The following NHSL2 variants were observed in gnomAD, a reference collection of about 807,000 sequenced individuals.
NHSL2 encodes the protein NHS like 2.
A neutral mutation model predicts 53.4 loss-of-function variants in NHSL2; 27 were observed. That is an observed-to-expected ratio of 0.51 (90% CI 0.37 to 0.70). NHSL2 has a LOEUF of 0.70. Among genes scored for constraint, NHSL2 ranks in the 30% least tolerant of loss-of-function variants. The pLI, the probability that NHSL2 is intolerant of heterozygous loss-of-function variation, is 0.00. For missense variants in NHSL2, 892 were observed against 980.1 expected, an observed-to-expected ratio of 0.91 and a Z score of 1.20; for synonymous variants, 408 against 404.1, an observed-to-expected ratio of 1.01 and a Z score of -0.12.
At chrX:71,963,417 T>C (rs1189129451) in intron 1 of NHSL2, among the ~76,000 whole-genome samples, 1 of 111,411 alleles carries the variant, frequency 9.0e-6, no homozygotes. Flanking sequence ...ATGGCAAATG[T>C]AAACTCAATT....
At chrX:71,956,764 A>G (rs1448975473) in intron 1 of NHSL2, among the ~76,000 whole-genome samples, 1 of 111,293 alleles carries the variant, frequency 9.0e-6, no homozygotes, top group Non-Finnish European at 1.9e-5. Context: ...CTGAGCTGGG[A>G]TGCAAATCCA....
intron 1 of NHSL2, among the ~76,000 whole-genome samples, chrX:71,926,302 G>A (rs918488793): frequency 2.7e-5 from 3 of 112,131 alleles, no homozygotes; most frequent in Non-Finnish European, 5.6e-5. Flanking sequence ...GAAACCATTT[G>A]CACTGTTTTA....
intron 1 of NHSL2, among the ~76,000 whole-genome samples, chrX:71,948,414 T>C (rs1366562559): frequency 8.9e-6 from 1 of 112,331 alleles, no homozygotes; most frequent in Non-Finnish European, 1.9e-5. Context: ...CAAATTAGTG[T>C]GTGGGGTGCA....
intron 7 of NHSL2, among the ~76,000 whole-genome samples, 160 bp from the exon 8 acceptor site, chrX:72,143,093 A>C (rs909555814): frequency 9.0e-6 from 1 of 111,530 alleles, no homozygotes; most frequent in Non-Finnish European, 1.9e-5. Context: ...AGGGCCCAAC[A>C]AGGGACTCTG....
chrX:72,102,771 G>A lies in NHSL2; in HGVS notation c.281-29308G>A, dbSNP rs951062422. Among the ~76,000 whole-genome samples the A allele has an allele frequency of 9.8e-5, 11 of 112,449 alleles. 1 individual carries two copies. The highest frequency in any genetic ancestry group is 8.5e-4 in the Admixed American group (9 of 10,646). On this transcript the variant is annotated intron_variant, in intron 1 of 7. Transcript: ENST00000633930. ...AATACAGGTCAAACTAACAGAAGAAGCCACTTATCTGACAATCGTGGGCTG... is the reference window on the plus strand; with the variant it reads ...AATACAGGTCAAACTAACAGAAGAAACCACTTATCTGACAATCGTGGGCTG...
Position 71,977,790 on chromosome X carries a change from T to C in NHSL2, c.280+66423T>C, listed in dbSNP as rs1306538118. Among the ~76,000 whole-genome samples the C allele has an allele frequency of 3.6e-5, 4 of 112,044 alleles. No individual in the cohort carries two copies. In the Admixed American group the frequency reaches 3.8e-4, roughly 11 times the overall value. ...TCTATTTGTAGACATTTAGAAACTTTCCAAAGTGCTCCAGACACCTCATTA... is the reference window on the plus strand; with the variant it reads ...TCTATTTGTAGACATTTAGAAACTTCCCAAAGTGCTCCAGACACCTCATTA... On this transcript the variant is annotated intron_variant, in intron 1 of 7. Coordinates refer to ENST00000633930, the MANE Select transcript of NHSL2 (RefSeq NM_001013627.3).
intron 1 of NHSL2, chrX:72,129,592 T>G: frequency 2.4e-6 from 1 of 409,461 alleles, no homozygotes; most frequent in East Asian, 3.9e-5. Flanking sequence ...CTGAGCAGAG[T>G]ACATGCCAAG....
intron 1 of NHSL2, among the ~76,000 whole-genome samples, chrX:71,999,285 T>G (rs2042062728): frequency 8.9e-6 from 1 of 112,487 alleles, no homozygotes; most frequent in African/African-American, 3.2e-5. Flanking sequence ...TTTGGTCATC[T>G]CTATATCCCC....
In NHSL2 at chrX:72,146,280, G is replaced by A. The variant is rs963594860; in HGVS notation, c.*2706G>A. 9.0e-6 allele frequency: 1 copy of A among 111,181 alleles called. No individual in the cohort carries two copies. Among genetic ancestry groups the A allele is most frequent in the Non-Finnish European group, 1.9e-5 (1 of 53,055 alleles). The allele number at this position is 111,181 out of a possible 1,213,427, so 9.2% of individuals were successfully genotyped here. On this transcript the variant is annotated 3_prime_UTR_variant, in exon 8 of 8. Coordinates refer to ENST00000633930, the MANE Select transcript of NHSL2 (RefSeq NM_001013627.3). ...AATTTCTACTAATCACTAATTAACA[G>A]AACACAAAGCATCTTCCCCACTCCT...
At chrX:72,084,593 G>A (rs1005286221) in intron 1 of NHSL2, among the ~76,000 whole-genome samples, 1 of 112,198 alleles carries the variant, frequency 8.9e-6, no homozygotes, top group African/African-American at 3.2e-5. Flanking sequence ...CTTGAGCAAA[G>A]CATCTCTGTC....
At chrX:71,944,387 C>T (rs2041782928) in intron 1 of NHSL2, among the ~76,000 whole-genome samples, 1 of 112,150 alleles carries the variant, frequency 8.9e-6, no homozygotes, top group Non-Finnish European at 1.9e-5. Flanking sequence ...GAGTAAGTGG[C>T]CTGCTCCGGT....
chrX:71,941,722 G>T (rs1602269943), intron 1 of NHSL2, among the ~76,000 whole-genome samples: 1 of 112,181 alleles, frequency 8.9e-6, no homozygotes, highest in South Asian at 3.7e-4. Context: ...GGCACTGGGG[G>T]CCTAATAGAA....
At chrX:72,044,701 A>G (rs1023735875) in intron 1 of NHSL2, 24 of 1,105,421 alleles carry the variant, frequency 2.2e-5, no homozygotes, top group Non-Finnish European at 2.6e-5. Flanking sequence ...AGTCAGGGAC[A>G]TTTCTGAAGT....
intron 1 of NHSL2, among the ~76,000 whole-genome samples, chrX:72,111,755 T>A (rs1283198430): frequency 9.0e-6 from 1 of 111,686 alleles, no homozygotes; most frequent in African/African-American, 3.3e-5. Flanking sequence ...TGAAGTGAGA[T>A]TCACTCATTT....
chrX:72,082,165 A>G (rs2041797866), intron 1 of NHSL2, among the ~76,000 whole-genome samples: 1 of 112,018 alleles, frequency 8.9e-6, no homozygotes, highest in African/African-American at 3.2e-5. Flanking sequence ...GAGCACAAGA[A>G]TAGGTCAGAC....
chrX:71,947,049 T>C (rs954489798), intron 1 of NHSL2, among the ~76,000 whole-genome samples: 1 of 112,233 alleles, frequency 8.9e-6, no homozygotes, highest in African/African-American at 3.2e-5. Context: ...TTGAGGACTC[T>C]GCAAACCTCC....
intron 1 of NHSL2, among the ~76,000 whole-genome samples, chrX:72,106,099 C>T (rs2042036815): frequency 9.0e-6 from 1 of 111,103 alleles, no homozygotes; most frequent in African/African-American, 3.3e-5. Context: ...GTCCCAGCTA[C>T]TCAGGAGGCT....
intron 1 of NHSL2, among the ~76,000 whole-genome samples, chrX:72,054,660 G>A (rs1052602933): frequency 8.9e-6 from 1 of 111,944 alleles, no homozygotes; most frequent in Non-Finnish European, 1.9e-5. Context: ...GCTTTGGGAT[G>A]TGCTAACATT....
rs754119759 is a variant in NHSL2, at chrX:71,951,257, G to A, written c.280+39890G>A. 4.5e-5 allele frequency among the ~76,000 whole-genome samples: 5 copies of A among 111,643 alleles called. No homozygotes were observed. The South Asian group carries it at 1.9e-3, about 42-fold the overall frequency. ...GTCCAAGTCTTACCTGCACTGACAG[G>A]CCAGGCAAACTAATTTGTTCTCCCT... On this transcript the variant is annotated intron_variant, in intron 1 of 7. Transcript: ENST00000633930.
Sources: allele counts gnomAD v4.1 joint callset (sites outside exome capture counted in the v4.1 genomes callset), GRCh38; gene constraint gnomAD v4.1.1; transcripts MANE v1.5; gene names NCBI Gene and HGNC (gene_info 2026-07-23, HGNC 2026-07-21).